The following TMEM220 variants were observed in gnomAD, a reference collection of about 807,000 sequenced individuals.
TMEM220 encodes transmembrane protein 220.
TMEM220 carries 21 observed loss-of-function variants against 21.7 expected under a neutral mutation model. That is an observed-to-expected ratio of 0.97 (90% CI 0.69 to 1.39). The LOEUF is 1.39. Ranked by LOEUF, TMEM220 falls within the 40% of genes most tolerant of loss-of-function variation. The pLI is 0.00. For synonymous variants in TMEM220, 80 were observed against 73.6 expected (o/e 1.09, Z -0.45); for missense variants, 191 against 201.9 (o/e 0.95, Z 0.33).
chr17:10,725,099 T>C lies in TMEM220; in HGVS notation c.199A>G (p.Ile67Val), dbSNP rs1245529577. 6.2e-7 allele frequency: 1 copy of C among 1,614,102 alleles called. No homozygotes were observed. Among genetic ancestry groups the C allele is most frequent in the Non-Finnish European group, 8.5e-7 (1 of 1,180,026 alleles). Residue 67 changes from isoleucine to valine, a missense_variant, in exon 4 of 6, where the codon ATA becomes GTA. Physicochemically the swap from Ile to Val is conservative, Grantham distance 29. Coordinates refer to ENST00000341871, the MANE Select transcript of TMEM220 (RefSeq NM_001004313.3). ...VIWKSISAIH[I>V]LFCTVWAVGL... ...ACAGCCCACACCGTACAAAAGAGTA[T>C]GTGTATTGCAGAGATACTTTTCCAA...
rs365080 is a variant in TMEM220, at chr17:10,716,949, G to T, written c.348-1361C>A. On this transcript the variant is annotated intron_variant, in intron 5 of 5. Transcript: ENST00000341871. ...TTTATTCCTACGGAGTGGATTTTTT[G>T]AATGTTTTTATAAATGTTAACTTTT... 6.8e-3 allele frequency among the ~76,000 whole-genome samples: 1,039 copies of T among 152,150 alleles called. 23 individuals are homozygous for T. The highest frequency in any genetic ancestry group is 0.024 in the African/African-American group (976 of 41,498).
chr17:10,725,164 C>T (rs749841931), intron 3 of TMEM220, 30 bp from the exon 4 acceptor site: 2 of 1,610,592 alleles, frequency 1.2e-6, no homozygotes, highest in South Asian at 1.1e-5. Context: ...TGTTGTTAAC[C>T]ACGGAATCAC....
At chr17:10,716,045 C>A in intron 5 of TMEM220, 8 of 493,686 alleles carry the variant, frequency 1.6e-5, no homozygotes, top group South Asian at 1.4e-4. Context: ...CTACTCCCAC[C>A]CCCCCATGTC....
At chr17:10,721,148 C>T (rs756773407) in intron 5 of TMEM220, among the ~76,000 whole-genome samples, 16 of 152,092 alleles carry the variant, frequency 1.1e-4, no homozygotes, top group Non-Finnish European at 2.1e-4. Context: ...GTATAACATG[C>T]GCCTGGAACA....
At chr17:10,716,269 C>T (rs1430518867) in intron 5 of TMEM220, 11 of 712,714 alleles carry the variant, frequency 1.5e-5, no homozygotes, top group Non-Finnish European at 2.0e-5. Context: ...CCGGCCCTCT[C>T]GGTTGGGAGG....
chr17:10,728,947 G>A, intron 2 of TMEM220, 84 bp downstream of exon 2: 2 of 1,415,464 alleles, frequency 1.4e-6, no homozygotes, highest in East Asian at 4.6e-5. Flanking sequence ...GCAGGGAGGA[G>A]GGGTAAAGAC....
chr17:10,715,329 A>G lies in TMEM220; in HGVS notation c.*124T>C, dbSNP rs2074899025. 1.2e-6 allele frequency: 1 copy of G among 815,204 alleles called. No individual in the cohort carries two copies. 50.5% of individuals were successfully genotyped at this position (815,204 alleles called of 1,614,324 possible). A position where few individuals can be genotyped will look rare whatever the true frequency, so the allele number is the denominator to read the frequency against. On this transcript the variant is annotated 3_prime_UTR_variant, in exon 6 of 6. Transcript: ENST00000341871. ...CATCGAATTATATGCACCCTTAAAA[A>G]GTTATTTGGAGTTTTAAAACTATTA...
At chr17:10,721,425 A>G (rs1023706390) in intron 5 of TMEM220, among the ~76,000 whole-genome samples, 1 of 152,100 alleles carries the variant, frequency 6.6e-6, no homozygotes, top group Non-Finnish European at 1.5e-5. Flanking sequence ...CCTGGCCAAC[A>G]TGGTGAAACC....
intron 1 of TMEM220, 91 bp downstream of exon 1, chr17:10,729,689 G>T (rs1173297503): frequency 1.7e-6 from 2 of 1,148,186 alleles, no homozygotes; most frequent in Non-Finnish European, 2.2e-6. Context: ...GCGCCCCTGC[G>T]ACTCTGCCCG....
chr17:10,723,369 C>T (rs1306538946), intron 4 of TMEM220, 40 bp from the exon 5 acceptor site: 3 of 1,491,566 alleles, frequency 2.0e-6, no homozygotes, highest in Non-Finnish European at 2.8e-6. Context: ...GAAGTGGCTA[C>T]AAGTGAGATG....
intron 5 of TMEM220, chr17:10,716,410 C>A: frequency 1.5e-6 from 1 of 648,602 alleles, no homozygotes; most frequent in Middle Eastern, 2.7e-4. Flanking sequence ...GCTGTGTTGG[C>A]TTATCTTAAT....
intron 2 of TMEM220, among the ~76,000 whole-genome samples, chr17:10,727,574 G>T (rs1597534136): frequency 1.3e-5 from 2 of 152,258 alleles, no homozygotes; most frequent in Admixed American, 6.5e-5. Context: ...AGACTTGTCT[G>T]CAGGGAAATA....
At chr17:10,711,680 A>G (rs566539149), downstream of TMEM220, among the ~76,000 whole-genome samples, 3 of 152,340 alleles carry the variant, frequency 2.0e-5, no homozygotes, top group South Asian at 6.2e-4. Context: ...CAGAAAAGTC[A>G]TGTAGTCCTC....
rs2074873425 is a variant in TMEM220, at chr17:10,713,685, C to T, written c.*1768G>A. The T allele has an allele frequency of 6.6e-6, 1 of 152,166 alleles. No homozygotes were observed. Among genetic ancestry groups the T allele is most frequent in the Non-Finnish European group, 1.5e-5 (1 of 68,032 alleles). 9.4% of individuals were successfully genotyped at this position (152,166 alleles called of 1,614,324 possible). On this transcript the variant is annotated 3_prime_UTR_variant, in exon 6 of 6. Coordinates refer to ENST00000341871, the MANE Select transcript of TMEM220 (RefSeq NM_001004313.3). ...GTATTTTACTGACCCTTAAGTTTCA[C>T]TTTGACTGTTTTAATATCAACTAGA... is the stretch of plus-strand genomic sequence containing the variant.
chr17:10,711,310 A>G, downstream of TMEM220: 2 of 656,328 alleles, frequency 3.0e-6, no homozygotes, highest in Non-Finnish European at 5.1e-6. Context: ...GTTATTTTGG[A>G]TCATGTATCC....
Position 10,724,533 on chromosome 17 carries a change from T to C in TMEM220, c.287+478A>G, listed in dbSNP as rs190589312. 311 of 154,184 alleles carry C rather than the reference T, an allele frequency of 2.0e-3. 2 individuals carry two copies. Among genetic ancestry groups the C allele is most frequent in the Non-Finnish European group, 3.4e-3 (242 of 70,874 alleles). 9.6% of individuals were successfully genotyped at this position (154,184 alleles called of 1,614,324 possible). A position where few individuals can be genotyped will look rare whatever the true frequency, so the allele number is the denominator to read the frequency against. On this transcript the variant is annotated intron_variant, in intron 4 of 5. Transcript: ENST00000341871. ...AGACGGAAGTTGTAGTGAGCAGAGA[T>C]CGCGCCACTGCACTCCAGCCTGGGT...
At chr17:10,717,063 G>C (rs139597976) in intron 5 of TMEM220, among the ~76,000 whole-genome samples, 522 of 152,246 alleles carry the variant, frequency 3.4e-3, no homozygotes, top group African/African-American at 0.012. Context: ...ACTTATTCTA[G>C]TAATTTTTTA....
intron 5 of TMEM220, 54 bp downstream of exon 5, chr17:10,723,216 T>G (rs753609998): frequency 8.7e-6 from 13 of 1,497,132 alleles, no homozygotes; most frequent in Non-Finnish European, 1.2e-5. Context: ...CCTGACCTCG[T>G]GATCTGCCCG....
chr17:10,729,938 G>A lies in TMEM220; in HGVS notation c.-87C>T. On this transcript the variant is annotated 5_prime_UTR_variant, in exon 1 of 6. Coordinates refer to ENST00000341871, the MANE Select transcript of TMEM220 (RefSeq NM_001004313.3). ...ACGTACGGTCCGCCTTCCTCCTTGC[G>A]CGGAGGGACCGAGACCCCCGCCTCG... 3.2e-6 allele frequency: 4 copies of A among 1,234,544 alleles called. No individual in the cohort carries two copies. The highest frequency in any genetic ancestry group is 1.6e-5 in the African/African-American group (1 of 63,860). The allele number at this position is 1,234,544 out of a possible 1,614,324, so 76.5% of individuals were successfully genotyped here. A position where few individuals can be genotyped will look rare whatever the true frequency, so the allele number is the denominator to read the frequency against.
Sources: gnomAD v4.1 joint callset for allele counts (sites outside exome capture counted in the v4.1 genomes callset) on GRCh38, gnomAD v4.1.1 for gene constraint, MANE v1.5 for transcripts, NCBI Gene and HGNC (gene_info 2026-07-23, HGNC 2026-07-21) for gene names.